Variants in HCFC2 observed in about 807,000 individuals in gnomAD.
The protein encoded by HCFC2 is host cell factor 2.
A neutral mutation model predicts 89.2 loss-of-function variants in HCFC2; 18 were observed. The ratio of observed to expected loss-of-function variants is 0.20; its 90% CI spans 0.14 to 0.30. The LOEUF (loss-of-function observed/expected upper bound fraction) is 0.30, where lower values mean the gene tolerates loss of function less well. Ranked by LOEUF, HCFC2 falls within the 10% of genes least tolerant of loss-of-function variation. HCFC2 has a pLI of 1.00. For synonymous variants in HCFC2, 308 were observed against 335.7 expected, an observed-to-expected ratio of 0.92 and a Z score of 0.90; for missense variants, 578 against 956.1, an observed-to-expected ratio of 0.60 and a Z score of 5.21.
At chr12:104,102,856 A>C in intron 14 of HCFC2, 103 bp from the exon 15 acceptor site, 1 of 953,756 alleles carries the variant, frequency 1.0e-6, no homozygotes, top group East Asian at 2.6e-5. Context: ...CAATTATTTT[A>C]GTAAAAATGA....
chr12:104,091,896 C>T (rs1218942916), intron 9 of HCFC2, among the ~76,000 whole-genome samples: 1 of 152,162 alleles, frequency 6.6e-6, no homozygotes, highest in Non-Finnish European at 1.5e-5. Flanking sequence ...TGCCATAATG[C>T]CTGGCATAGT....
At chr12:104,090,674 C>T (rs928502379) in intron 9 of HCFC2, among the ~76,000 whole-genome samples, 19 of 150,750 alleles carry the variant, frequency 1.3e-4, no homozygotes, top group Admixed American at 5.3e-4. Flanking sequence ...AATATCTTTC[C>T]TTCTCTCTTG....
In HCFC2 at chr12:104,093,498, C is replaced by A. The variant is rs1313166446; in HGVS notation, c.1397C>A (p.Pro466Gln). 1.2e-6 allele frequency: 2 copies of A among 1,612,776 alleles called. No homozygotes were observed. The highest frequency in any genetic ancestry group is 2.7e-5 in the African/African-American group (2 of 75,006). The change falls in exon 10 of 15, where the codon CCA becomes CAA. Residue 466 changes from proline to glutamine, a missense_variant. Pro to Gln is a moderately conservative substitution (Grantham distance 76). Transcript: ENST00000229330. ...ACGGATTCTAATGCCATTTTATATCCATCTTTGGCATCAAATGCTTCTAAT... is the reference window on the plus strand; with the variant it reads ...ACGGATTCTAATGCCATTTTATATCAATCTTTGGCATCAAATGCTTCTAAT... The part of the protein sequence containing the change: ...ALTDSNAILY[P>Q]SLASNASNHN...
Position 104,105,681 on chromosome 12 carries a change from C to T in HCFC2, c.*2408C>T, listed in dbSNP as rs879400921. The T allele has an allele frequency of 2.0e-5, 3 of 151,160 alleles. No individual in the cohort carries two copies. Among genetic ancestry groups the T allele is most frequent in the Non-Finnish European group, 4.4e-5 (3 of 67,822 alleles). The allele number at this position is 151,160 out of a possible 1,614,324, so 9.4% of individuals were successfully genotyped here. A position where few individuals can be genotyped will look rare whatever the true frequency, so the allele number is the denominator to read the frequency against. ...AAATGCCATTAAGAAATCTCTGTGG[C>T]TTTGACATTAGTAGTTAATAAGAGA... On this transcript the variant is annotated 3_prime_UTR_variant, in exon 15 of 15. Transcript: ENST00000229330.
chr12:104,080,243 C>T (rs188226813), intron 4 of HCFC2, among the ~76,000 whole-genome samples: 28 of 152,230 alleles, frequency 1.8e-4, no homozygotes, highest in Admixed American at 4.6e-4. Context: ...AGTCATCCCT[C>T]GGTATCTGTG....
intron 9 of HCFC2, chr12:104,090,811 G>C (rs1433162473): frequency 1.3e-5 from 2 of 151,670 alleles, no homozygotes; most frequent in Non-Finnish European, 2.9e-5. Flanking sequence ...GTCATCAAGT[G>C]TCTGGTGATA....
At chr12:104,094,524 C>A (rs138122948) in intron 10 of HCFC2, among the ~76,000 whole-genome samples, 1 of 151,810 alleles carries the variant, frequency 6.6e-6, no homozygotes, top group African/African-American at 2.4e-5. Context: ...AATAAATATA[C>A]GTCATAGGAA....
chr12:104,085,951 C>T (rs1363883246), intron 7 of HCFC2, among the ~76,000 whole-genome samples: 1 of 149,770 alleles, frequency 6.7e-6, no homozygotes, highest in Non-Finnish European at 1.5e-5. Context: ...ATAATGTGCT[C>T]ACTTTCTGCT....
At chr12:104,066,622 A>ACG (rs1883157175) in intron 2 of HCFC2, among the ~76,000 whole-genome samples, 1 of 152,184 alleles carries the variant, frequency 6.6e-6, no homozygotes, top group Non-Finnish European at 1.5e-5. Context: ...TGTACATGTT[A>ACG]TATATTTAGG....
intron 9 of HCFC2, 99 bp downstream of exon 9, chr12:104,088,137 T>TAAG: frequency 1.5e-6 from 1 of 658,992 alleles, no homozygotes; most frequent in East Asian, 3.4e-5. Flanking sequence ...AGAGGGGTCC[T>TAAG]TAATCCTGCC....
Position 104,086,919 on chromosome 12 carries a change from A to G in HCFC2, c.1136A>G (p.Glu379Gly). 1 of 1,614,046 alleles carries G rather than the reference A, an allele frequency of 6.2e-7. No homozygotes were observed. Among genetic ancestry groups the G allele is most frequent in the Non-Finnish European group, 8.5e-7 (1 of 1,179,914 alleles). Residue 379 changes from glutamate to glycine, a missense_variant, in exon 8 of 15, where the codon GAA becomes GGA. Transcript: ENST00000229330. ...TTNSFHVKWD[E>G]VSTVEGYLLQ... ...AACTCCTTTCATGTCAAGTGGGATG[A>G]AGTGTCTACAGTTGAGGGCTATCTT... is the stretch of plus-strand genomic sequence containing the variant.
At chr12:104,076,745 G>A (rs193032206) in intron 3 of HCFC2, among the ~76,000 whole-genome samples, 37 of 145,316 alleles carry the variant, frequency 2.5e-4, no homozygotes, top group African/African-American at 8.5e-4. Flanking sequence ...CTTATAATAG[G>A]GCAGTTTTAT....
In HCFC2 at chr12:104,068,045, C is replaced by A. The variant is rs1566223480; in HGVS notation, c.411C>A (p.Asn137Lys). 1 of 1,601,980 alleles carries A rather than the reference C, an allele frequency of 6.2e-7. No individual in the cohort carries two copies. Among genetic ancestry groups the A allele is most frequent in the Non-Finnish European group, 8.5e-7 (1 of 1,175,314 alleles). Reference protein sequence around the residue: ...RLGHSFSLYGNKCYLFGGLAN... With the variant: ...RLGHSFSLYGKKCYLFGGLAN... ...GACATAGCTTCTCTTTATATGGTAA[C>A]AAATGCTATTTGTTTGGTGGCCTGG... The change falls in exon 3 of 15, where the codon AAC becomes AAA. Residue 137 changes from asparagine (N) to lysine (K), a missense_variant. By Grantham distance (94) the Asn-to-Lys change is moderately conservative. Transcript: ENST00000229330. This position sits in a 1 kb window ranked among gnomAD's most constrained non-coding sequence, Gnocchi z 4.1.
intron 3 of HCFC2, among the ~76,000 whole-genome samples, chr12:104,076,075 A>G: frequency 6.6e-6 from 1 of 152,336 alleles, no homozygotes; most frequent in South Asian, 2.1e-4. Context: ...TTGTGATTCC[A>G]TAGGTGCTCA....
At chr12:104,077,936 G>C (rs1337568675) in intron 3 of HCFC2, among the ~76,000 whole-genome samples, 1 of 152,046 alleles carries the variant, frequency 6.6e-6, no homozygotes, top group African/African-American at 2.4e-5. Context: ...CATCAGTTTA[G>C]ATGTAATCAT....
At chr12:104,096,780 G>T (rs1346048716) in intron 12 of HCFC2, among the ~76,000 whole-genome samples, 1 of 152,018 alleles carries the variant, frequency 6.6e-6, no homozygotes, top group African/African-American at 2.4e-5. Flanking sequence ...TTTCTATAAT[G>T]CAATGTTATT....
chr12:104,070,801 C>CTTTTTTT (rs35437369), intron 3 of HCFC2, among the ~76,000 whole-genome samples: 30 of 124,986 alleles, frequency 2.4e-4, no homozygotes, highest in East Asian at 1.3e-3. Flanking sequence ...ATACTTTTTA[C>CTTTTTTT]TTTTTTTTTT....
At chr12:104,066,396 T>A in intron 2 of HCFC2, 81 bp downstream of exon 2, 1 of 921,460 alleles carries the variant, frequency 1.1e-6, no homozygotes, top group Non-Finnish European at 1.6e-6. Context: ...GCAACATTAC[T>A]AACATTGTTT....
At chr12:104,096,299 T>G (rs993628512) in intron 11 of HCFC2, 61 bp from the exon 12 acceptor site, 1 of 1,138,850 alleles carries the variant, frequency 8.8e-7, no homozygotes, top group Admixed American at 2.2e-5. Flanking sequence ...ATTTAAAAAT[T>G]ATATTTTAAT....
Sources: gnomAD v4.1 joint callset for allele counts (sites outside exome capture counted in the v4.1 genomes callset) on GRCh38, gnomAD v4.1.1 for gene constraint, Gnocchi (gnomAD v3.1) non-coding constraint, MANE v1.5 for transcripts, NCBI Gene and HGNC (gene_info 2026-07-23, HGNC 2026-07-21) for gene names.